Variants in COLGALT2 observed in about 807,000 individuals in gnomAD.
COLGALT2 encodes the protein collagen beta(1-O)galactosyltransferase 2, also known as procollagen galactosyltransferase 2.
A neutral mutation model predicts 73.4 loss-of-function variants in COLGALT2; 49 were observed. The ratio of observed to expected loss-of-function variants is 0.67; its 90% CI spans 0.53 to 0.85. The LOEUF (loss-of-function observed/expected upper bound fraction) is 0.85, where lower values mean the gene tolerates loss of function less well. Ranked by LOEUF, COLGALT2 falls within the 40% of genes least tolerant of loss-of-function variation. The probability of loss-of-function intolerance (pLI) is 0.00; values close to 1 mark genes in which losing one functional copy is unlikely to be tolerated. For missense variants in COLGALT2, 722 were observed against 790.2 expected (o/e 0.91, Z 1.03); for synonymous variants, 295 against 307.6 (o/e 0.96, Z 0.43).
At chr1:184,032,620 G>T (rs946483379) in intron 1 of COLGALT2, among the ~76,000 whole-genome samples, 4 of 152,142 alleles carry the variant, frequency 2.6e-5, no homozygotes, top group Non-Finnish European at 5.9e-5. Context: ...AAAAGGTGAG[G>T]AAAACAGACT....
At chr1:183,991,547 ATAC>A (rs1671628925) in intron 1 of COLGALT2, among the ~76,000 whole-genome samples, 1 of 152,312 alleles carries the variant, frequency 6.6e-6, no homozygotes, top group South Asian at 2.1e-4. Flanking sequence ...CTGTTATCCA[ATAC>A]CTGTTGTCTT....
intron 1 of COLGALT2, among the ~76,000 whole-genome samples, chr1:183,991,655 C>T (rs567319650): frequency 6.6e-6 from 1 of 152,264 alleles, no homozygotes; most frequent in East Asian, 1.9e-4. Context: ...TCTGGTCTTC[C>T]CATATCACTT....
chr1:183,958,884 C>G (rs1326973936), intron 6 of COLGALT2, among the ~76,000 whole-genome samples: 1 of 151,688 alleles, frequency 6.6e-6, no homozygotes, highest in African/African-American at 2.4e-5. Flanking sequence ...TACAAACAAC[C>G]TAACCAGAAA....
At chr1:183,935,759 G>A (rs1669934665), downstream of COLGALT2, 1 of 746,038 alleles carries the variant, frequency 1.3e-6, no homozygotes, top group African/African-American at 1.9e-5. Context: ...GACATCCTTG[G>A]TCAAGGGCAG....
intron 1 of COLGALT2, among the ~76,000 whole-genome samples, chr1:184,000,838 T>G (rs1451536387): frequency 6.8e-6 from 1 of 148,092 alleles, no homozygotes; most frequent in Admixed American, 6.7e-5. Context: ...TTTTTTTTTT[T>G]TTTTTTTTTG....
At chr1:183,939,252 C>G (rs563832978) in intron 11 of COLGALT2, among the ~76,000 whole-genome samples, 1 of 152,156 alleles carries the variant, frequency 6.6e-6, no homozygotes, top group Non-Finnish European at 1.5e-5. Context: ...ACATTTCTGA[C>G]GTATTTGAAT....
chr1:184,032,685 T>A (rs1269809925), intron 1 of COLGALT2, among the ~76,000 whole-genome samples: 4 of 152,214 alleles, frequency 2.6e-5, no homozygotes, highest in Non-Finnish European at 5.9e-5. Flanking sequence ...AAACCGAAAC[T>A]TCTATCTGTA....
chr1:184,025,133 C>T (rs775428800), intron 1 of COLGALT2, among the ~76,000 whole-genome samples: 1 of 152,226 alleles, frequency 6.6e-6, no homozygotes. Context: ...GAGGACTTGG[C>T]AGAATGTAAC....
chr1:184,030,013 G>A (rs1649457467), intron 1 of COLGALT2, among the ~76,000 whole-genome samples: 1 of 152,228 alleles, frequency 6.6e-6, no homozygotes, highest in Admixed American at 6.5e-5. Flanking sequence ...GAAAGAAAGT[G>A]TTAATATTGG....
intron 11 of COLGALT2, among the ~76,000 whole-genome samples, chr1:183,939,451 G>A (rs1670050696): frequency 6.6e-6 from 1 of 152,210 alleles, no homozygotes. Flanking sequence ...GAGGCACGCA[G>A]GCTTGGCTTT....
intron 2 of COLGALT2, 116 bp from the exon 3 acceptor site, chr1:183,975,330 A>C: frequency 1.6e-6 from 1 of 620,178 alleles, no homozygotes. Context: ...AGATACTATT[A>C]TTATTGTTAT....
At chr1:183,992,172 C>T (rs920674910) in intron 1 of COLGALT2, among the ~76,000 whole-genome samples, 3 of 152,072 alleles carry the variant, frequency 2.0e-5, no homozygotes, top group Admixed American at 6.6e-5. Context: ...CTCCATTATA[C>T]AGAGGAGGAA....
Position 184,037,024 on chromosome 1 carries a change from C to G in COLGALT2, c.263+71G>C, listed in dbSNP as rs545185862. On this transcript the variant is annotated intron_variant, in intron 1 of 11. Coordinates refer to ENST00000361927, the MANE Select transcript of COLGALT2 (RefSeq NM_015101.4). ...CTCCCTCGCCCTGCAGCTGCTGCTC[C>G]GGGCGCTGTCCGCGCTGGGCAGGCC... The G allele has an allele frequency of 1.0e-3, 1,303 of 1,261,086 alleles. 27 individuals are homozygous for G. The South Asian group carries it at 0.03, about 29-fold the overall frequency. The allele number at this position is 1,261,086 out of a possible 1,614,324, so 78.1% of individuals were successfully genotyped here. A position where few individuals can be genotyped will look rare whatever the true frequency, so the allele number is the denominator to read the frequency against.
intron 8 of COLGALT2, chr1:183,946,402 C>T (rs761374264): frequency 5.3e-5 from 8 of 152,192 alleles, no homozygotes; most frequent in Non-Finnish European, 1.2e-4. Flanking sequence ...GGGCTGTCCA[C>T]ACGCCCAGGA....
intron 1 of COLGALT2, among the ~76,000 whole-genome samples, chr1:184,003,427 C>T (rs761700132): frequency 5.3e-5 from 8 of 152,122 alleles, no homozygotes; most frequent in Non-Finnish European, 1.0e-4. Flanking sequence ...GATCTACTAC[C>T]GATAGATGCT....
chr1:183,955,661 A>C (rs1372370280), intron 6 of COLGALT2, among the ~76,000 whole-genome samples: 5 of 148,258 alleles, frequency 3.4e-5, no homozygotes, highest in African/African-American at 5.3e-5. Context: ...GCCTTGAAGA[A>C]TGTTTAGTAT....
intron 1 of COLGALT2, among the ~76,000 whole-genome samples, chr1:184,005,973 C>T (rs1043310575): frequency 6.6e-6 from 1 of 152,160 alleles, no homozygotes; most frequent in Admixed American, 6.5e-5. Flanking sequence ...AGCTCTTCCC[C>T]TGCTGTTGGA....
At chr1:183,934,171 G>T (rs371058589), downstream of COLGALT2, among the ~76,000 whole-genome samples, 1 of 152,310 alleles carries the variant, frequency 6.6e-6, no homozygotes, top group East Asian at 1.9e-4. Context: ...TTCTGTCAAT[G>T]AATTCTTCCT....
At chr1:183,951,921 A>C (rs1670412863) in intron 7 of COLGALT2, among the ~76,000 whole-genome samples, 1 of 152,242 alleles carries the variant, frequency 6.6e-6, no homozygotes, top group Non-Finnish European at 1.5e-5. Flanking sequence ...GGCTTGAGGC[A>C]GCACACTACC....
Sources: allele counts gnomAD v4.1 joint callset (sites outside exome capture counted in the v4.1 genomes callset), GRCh38; gene constraint gnomAD v4.1.1; transcripts MANE v1.5; gene names NCBI Gene and HGNC (gene_info 2026-07-23, HGNC 2026-07-21).